CTDSPL: variants seen among roughly 807,000 people sequenced by gnomAD.
CTDSPL encodes the protein CTD small phosphatase-like protein.
In CTDSPL, 8 loss-of-function variants were observed where a neutral mutation model predicts 30.5. That is an observed-to-expected ratio of 0.26 (90% confidence interval 0.15 to 0.47). CTDSPL has a LOEUF of 0.47. CTDSPL is among the 20% of genes least tolerant of loss of function. The probability of loss-of-function intolerance (pLI) is 0.99; values close to 1 mark genes in which losing one functional copy is unlikely to be tolerated. For synonymous variants in CTDSPL, 110 were observed against 137.9 expected (o/e 0.80, Z 1.42); for missense variants, 248 against 366.1 (o/e 0.68, Z 2.63).
intron 1 of CTDSPL, among the ~76,000 whole-genome samples, chr3:37,878,082 C>T (rs1367909706): frequency 2.6e-5 from 4 of 152,196 alleles, no homozygotes; most frequent in Non-Finnish European, 5.9e-5. Context: ...ACATCCTCAT[C>T]ACACTTGTTA....
chr3:37,953,069 A>G (rs890849704), intron 2 of CTDSPL, among the ~76,000 whole-genome samples: 7 of 152,234 alleles, frequency 4.6e-5, no homozygotes, highest in Non-Finnish European at 1.0e-4. Context: ...TATATCCAAA[A>G]TATTATCTCA....
chr3:37,970,395 GT>G (rs1699353168), intron 5 of CTDSPL, among the ~76,000 whole-genome samples: 1 of 152,242 alleles, frequency 6.6e-6, no homozygotes, highest in South Asian at 2.1e-4. Context: ...CAAGGCCTGT[GT>G]TTTATTCATC....
chr3:37,941,313 A>G (rs761444917), intron 1 of CTDSPL, among the ~76,000 whole-genome samples: 4 of 149,064 alleles, frequency 2.7e-5, no homozygotes, highest in Non-Finnish European at 4.5e-5. Flanking sequence ...TACCTCATCT[A>G]CCTCTATCAA....
At chr3:37,908,082 A>G (rs1215373585) in intron 1 of CTDSPL, among the ~76,000 whole-genome samples, 1 of 152,212 alleles carries the variant, frequency 6.6e-6, no homozygotes, top group Non-Finnish European at 1.5e-5. Context: ...CTAAACCACA[A>G]GTGGTTAATG....
intron 1 of CTDSPL, among the ~76,000 whole-genome samples, chr3:37,907,032 T>C (rs897810093): frequency 2.6e-5 from 4 of 152,232 alleles, no homozygotes; most frequent in Admixed American, 2.6e-4. Context: ...CAGAGCCCAG[T>C]AGGGACATTA....
chr3:37,895,878 A>G (rs1698385272), intron 1 of CTDSPL, among the ~76,000 whole-genome samples: 1 of 152,150 alleles, frequency 6.6e-6, no homozygotes, highest in South Asian at 2.1e-4. Flanking sequence ...TTTCACCTCA[A>G]AAAAAACTAA....
At chr3:37,903,136 A>G (rs571063555) in intron 1 of CTDSPL, among the ~76,000 whole-genome samples, 1 of 152,298 alleles carries the variant, frequency 6.6e-6, no homozygotes, top group Admixed American at 6.5e-5. Flanking sequence ...AGCCAAGGGT[A>G]AGGGCACAGT....
At chr3:37,904,812 C>T (rs1340871773) in intron 1 of CTDSPL, among the ~76,000 whole-genome samples, 1 of 152,204 alleles carries the variant, frequency 6.6e-6, no homozygotes, top group Non-Finnish European at 1.5e-5. Flanking sequence ...CATTTTGCTG[C>T]CCATCCTTGC....
At chr3:37,955,711 G>A (rs766913479) in intron 2 of CTDSPL, among the ~76,000 whole-genome samples, 9 of 152,160 alleles carry the variant, frequency 5.9e-5, no homozygotes, top group Non-Finnish European at 1.3e-4. Context: ...TAGAAGGAGG[G>A]TGAGGATGAA....
At chr3:37,977,774 G>C (rs553822820) in intron 7 of CTDSPL, among the ~76,000 whole-genome samples, 1 of 151,956 alleles carries the variant, frequency 6.6e-6, no homozygotes, top group Admixed American at 6.6e-5. Context: ...TGGTTCCACT[G>C]TCGTTCCAGC....
chr3:37,875,469 A>G (rs565503412), intron 1 of CTDSPL, among the ~76,000 whole-genome samples: 2 of 152,212 alleles, frequency 1.3e-5, no homozygotes, highest in South Asian at 2.1e-4. Flanking sequence ...TTACCTTTCA[A>G]AATCAGTATT....
In CTDSPL at chr3:37,947,138, A is replaced by G. The variant is rs781760470; in HGVS notation, c.161A>G (p.Asn54Ser). The G allele has an allele frequency of 5.0e-6, 8 of 1,613,322 alleles. No individual in the cohort carries two copies. The highest frequency in any genetic ancestry group is 4.5e-5 in the East Asian group (2 of 44,880). ...TTCTTCTGCTGCTTCCGTGATTACA[A>G]TGTGGAGGCCCCTCCACCCAGCAGC... ...SSFFCCFRDY[N>S]VEAPPPSSPS... The change falls in exon 2 of 8, where the codon AAT (asparagine) becomes AGT (serine). Residue 54 changes from asparagine to serine, a missense_variant. Coordinates refer to ENST00000273179, the MANE Select transcript of CTDSPL (RefSeq NM_001008392.2).
chr3:37,981,129 GAAAA>G lies in CTDSPL; in HGVS notation c.*276_*279del, dbSNP rs375264235. 3.6e-5 allele frequency: 3 copies of G among 83,126 alleles called. No homozygotes were observed. Among genetic ancestry groups the G allele is most frequent in the Non-Finnish European group, 7.8e-5 (3 of 38,590 alleles). The allele number at this position is 83,126 out of a possible 1,614,324, so 5.1% of individuals were successfully genotyped here. On this transcript the variant is annotated 3_prime_UTR_variant, in exon 8 of 8. Transcript: ENST00000273179. ...AAACATACCAAAAAAGAAAAAAATA[GAAAA>G]AAAAAAAAAAAAAGCTTGATCTCTA...
chr3:37,960,750 C>T (rs1699236705), intron 3 of CTDSPL, among the ~76,000 whole-genome samples: 1 of 151,514 alleles, frequency 6.6e-6, no homozygotes, highest in African/African-American at 2.4e-5. Context: ...CAAAACAAAA[C>T]AAAGATTGGT....
Position 37,862,786 on chromosome 3 carries a change from T to C in CTDSPL, c.79+508T>C, listed in dbSNP as rs1250736887. On this transcript the variant is annotated intron_variant, in intron 1 of 7. Transcript: ENST00000273179. The surrounding 1 kb of genome is among the most constrained non-coding windows in gnomAD (Gnocchi z 4.3). ...GGTTTGTATGGGCCTGACTGAGGGG[T>C]TGTGGAATGTGTGTGCGTGAGCATG... 6.6e-6 allele frequency among the ~76,000 whole-genome samples: 1 copy of C among 151,854 alleles called. No homozygotes were observed. The highest frequency in any genetic ancestry group is 1.5e-5 in the Non-Finnish European group (1 of 67,972).
intron 3 of CTDSPL, among the ~76,000 whole-genome samples, chr3:37,959,178 G>A (rs1699208303): frequency 6.6e-6 from 1 of 152,196 alleles, no homozygotes; most frequent in Non-Finnish European, 1.5e-5. Context: ...GGTGACCAGA[G>A]CAGCTGCATC....
At chr3:37,930,994 T>G (rs1698847218) in intron 1 of CTDSPL, among the ~76,000 whole-genome samples, 1 of 152,168 alleles carries the variant, frequency 6.6e-6, no homozygotes, top group South Asian at 2.1e-4. Context: ...GTATGGCTAC[T>G]TTTGCTCTCT....
intron 1 of CTDSPL, among the ~76,000 whole-genome samples, chr3:37,888,049 G>A (rs562372115): frequency 6.6e-6 from 1 of 152,314 alleles, no homozygotes. Context: ...AAAGATGTGT[G>A]AGTGTTGGAG....
intron 3 of CTDSPL, among the ~76,000 whole-genome samples, chr3:37,959,620 C>T (rs1295050690): frequency 6.6e-6 from 1 of 152,198 alleles, no homozygotes; most frequent in Non-Finnish European, 1.5e-5. Context: ...TTTTATATTT[C>T]ATTGATGGCA....
Sources: allele counts gnomAD v4.1 joint callset (sites outside exome capture counted in the v4.1 genomes callset), GRCh38; gene constraint gnomAD v4.1.1; non-coding constraint Gnocchi (gnomAD v3.1); transcripts MANE v1.5; gene names NCBI Gene and HGNC (gene_info 2026-07-23, HGNC 2026-07-21).